Variants in NPRL3 observed in about 807,000 individuals in gnomAD.
NPRL3 encodes the protein GATOR1 complex protein NPRL3.
Under a neutral mutation model 57.2 loss-of-function variants are expected in NPRL3, and 23 were observed. The observed-to-expected ratio is 0.40, with a 90% CI of 0.29 to 0.57. NPRL3 has a LOEUF of 0.57. Among genes scored for constraint, NPRL3 ranks in the 20% least tolerant of loss-of-function variants. The pLI is 0.42. For synonymous variants in NPRL3, 333 were observed against 321.1 expected (o/e 1.04, Z -0.39); for missense variants, 691 against 767.1 (o/e 0.90, Z 1.17).
chr16:138,157 G>C lies in NPRL3; in HGVS notation c.111C>G (p.Ser37=). 1 of 1,601,554 alleles carries C rather than the reference G, an allele frequency of 6.2e-7. No homozygotes were observed. The highest frequency in any genetic ancestry group is 8.5e-7 in the Non-Finnish European group (1 of 1,174,662). The change falls in exon 2 of 14, where the codon TCC becomes TCG. Residue 37 remains serine, a synonymous_variant. Transcript: ENST00000611875. The part of the protein sequence containing the change: ...PFQRSQEHPA[S]QTSKPRSRYA... The stretch of plus-strand genomic sequence containing the variant: ...CGCCCAGCGCTCACTTACTTGTCTG[G>C]GACGCCGGGTGCTCCTGGCTTCTCT...
At chr16:112,862 A>G in intron 5 of NPRL3, 87 bp from the exon 6 acceptor site, 2 of 1,289,922 alleles carry the variant, frequency 1.6e-6, no homozygotes, top group Non-Finnish European at 2.1e-6. Flanking sequence ...ACAGGTACAC[A>G]GCAAAAACTC....
intron 11 of NPRL3, among the ~76,000 whole-genome samples, chr16:92,317 C>T (rs1014788002): frequency 2.6e-5 from 4 of 152,200 alleles, no homozygotes; most frequent in South Asian, 2.1e-4. Context: ...CTGCTTAACT[C>T]GGTTCTAACA....
intron 7 of NPRL3, 89 bp downstream of exon 7, chr16:110,436 C>T (rs1401325318): frequency 5.8e-5 from 58 of 1,008,026 alleles, no homozygotes; most frequent in Non-Finnish European, 7.9e-5. Flanking sequence ...TGGTCAGTAC[C>T]GGGGAGCCCT....
rs1295202027 is a variant in NPRL3 at position 89,816 on chromosome 16, G to A, written c.1248C>T (p.Pro416=). 6.3e-7 allele frequency: 1 copy of A among 1,592,498 alleles called. No homozygotes were observed. The highest frequency in any genetic ancestry group is 8.5e-7 in the Non-Finnish European group (1 of 1,170,954). ...LHTYVCLMAS[P]SEEEPRPRED... ...CTCGCGGACGGGGCTCCTCCTCGCT[G>A]GGTGAGGCCATCAGGCAGACATAGG... Residue 416 remains proline (P), a synonymous_variant, in exon 12 of 14, where the codon CCC becomes CCT. Coordinates refer to ENST00000611875, the MANE Select transcript of NPRL3 (RefSeq NM_001077350.3).
chr16:137,762 A>T (rs1349606144), intron 2 of NPRL3, among the ~76,000 whole-genome samples: 2 of 151,822 alleles, frequency 1.3e-5, no homozygotes, highest in African/African-American at 4.8e-5. Context: ...CAGAGTTTCA[A>T]CCATGTTGGC....
At chr16:105,794 C>A (rs1419860524) in intron 7 of NPRL3, among the ~76,000 whole-genome samples, 1 of 152,212 alleles carries the variant, frequency 6.6e-6, no homozygotes. Context: ...AGAGACATCC[C>A]TGCCCTCCTG....
rs142730254 is a variant in NPRL3 at position 116,598 on chromosome 16, G to A, written c.393+703C>T. Among the ~76,000 whole-genome samples the A allele has an allele frequency of 4.3e-3, 659 of 152,234 alleles. 7 individuals are homozygous for A. The highest frequency in any genetic ancestry group is 0.015 in the African/African-American group (608 of 41,526). On this transcript the variant is annotated intron_variant, in intron 5 of 13. Transcript: ENST00000611875. ...GCACTTTGGGTGGCCAAGGAGGGAAGACCATTTGAGACCAGGAGTTCAAGA... is the reference window on the plus strand; with the variant it reads ...GCACTTTGGGTGGCCAAGGAGGGAAAACCATTTGAGACCAGGAGTTCAAGA...
At chr16:116,944 C>T (rs1288309114) in intron 5 of NPRL3, among the ~76,000 whole-genome samples, 1 of 150,618 alleles carries the variant, frequency 6.6e-6, no homozygotes, top group Non-Finnish European at 1.5e-5. Flanking sequence ...TACTACACTC[C>T]AGCCTGGGTG....
rs1399811473 is a variant in NPRL3, at chr16:127,731, T to C, written c.188+2791A>G. 2.6e-5 allele frequency among the ~76,000 whole-genome samples: 4 copies of C among 151,334 alleles called. No homozygotes were observed. In the East Asian group the frequency reaches 7.8e-4, roughly 30 times the overall value. On this transcript the variant is annotated intron_variant, in intron 3 of 13. Coordinates refer to ENST00000611875, the MANE Select transcript of NPRL3 (RefSeq NM_001077350.3). ...GTGCAGTGGCACAATCTTGGCTCAC[T>C]GCAAGCTCCGCCTCCCGGGTTCACG...
intron 5 of NPRL3, among the ~76,000 whole-genome samples, chr16:115,797 T>C (rs1349946628): frequency 2.0e-5 from 3 of 152,380 alleles, no homozygotes; most frequent in African/African-American, 7.2e-5. Flanking sequence ...CGGTTGCTTT[T>C]ACCTGTCCGT....
At position 86,713 on chromosome 16, in the gene NPRL3, G is replaced by A. The variant is rs776279336; in HGVS notation, c.1702C>T (p.Leu568Phe). ...DPVIAVFQAL[L>F]P ...CCGCCCTCCGCCTGGGCTCAGGGGA[G>A]CAGAGCCTGGAAGACGGCAATGACA... Residue 568 changes from leucine (L) to phenylalanine (F), a missense_variant, in exon 14 of 14, where the codon CTC becomes TTC. Coordinates refer to ENST00000611875, the MANE Select transcript of NPRL3 (RefSeq NM_001077350.3). The A allele has an allele frequency of 1.9e-6, 3 of 1,555,508 alleles. No homozygotes were observed. Among genetic ancestry groups the A allele is most frequent in the Non-Finnish European group, 2.6e-6 (3 of 1,150,326 alleles).
chr16:85,636 T>TA lies in NPRL3; in HGVS notation c.*1068_*1069insT. 6.3e-7 allele frequency: 1 copy of TA among 1,594,698 alleles called. No individual in the cohort carries two copies. The highest frequency in any genetic ancestry group is 8.6e-7 in the Non-Finnish European group (1 of 1,166,288). ...TGGAGCGTGGTCCCCTGGAGCCCAGTGAGCCGGCTGTAGTGGCAGCAGCCC... is the reference window on the plus strand; with the variant it reads ...TGGAGCGTGGTCCCCTGGAGCCCAGTAGAGCCGGCTGTAGTGGCAGCAGCCC... On this transcript the variant is annotated 3_prime_UTR_variant, in exon 14 of 14. Coordinates refer to ENST00000611875, the MANE Select transcript of NPRL3 (RefSeq NM_001077350.3).
At chr16:93,771 G>A (rs1314062911) in intron 9 of NPRL3, among the ~76,000 whole-genome samples, 11 of 152,098 alleles carry the variant, frequency 7.2e-5, no homozygotes, top group South Asian at 2.1e-4. Flanking sequence ...TCACCATGTT[G>A]GCCAGGATGG....
intron 9 of NPRL3, among the ~76,000 whole-genome samples, chr16:95,761 G>C (rs775136410): frequency 6.6e-6 from 1 of 152,046 alleles, no homozygotes; most frequent in Non-Finnish European, 1.5e-5. Flanking sequence ...GTAAAGACAG[G>C]GTCTTCCTAT....
intron 8 of NPRL3, among the ~76,000 whole-genome samples, chr16:99,166 C>T (rs1899157852): frequency 1.3e-5 from 2 of 152,170 alleles, no homozygotes; most frequent in Admixed American, 6.5e-5. Context: ...ATATGCTTAG[C>T]TAGGATTGAA....
chr16:136,518 T>C (rs1901086735), intron 2 of NPRL3, among the ~76,000 whole-genome samples: 1 of 146,078 alleles, frequency 6.8e-6, no homozygotes, highest in African/African-American at 2.5e-5. Context: ...TGAAACCCCA[T>C]CTCTACTAAA....
intron 8 of NPRL3, among the ~76,000 whole-genome samples, chr16:99,460 T>C (rs963656985): frequency 7.2e-5 from 11 of 151,880 alleles, no homozygotes; most frequent in Admixed American, 2.0e-4. Context: ...CTGGCCAACA[T>C]GGTGAAACCC....
chr16:106,516 C>G (rs913317523), intron 7 of NPRL3, among the ~76,000 whole-genome samples: 4 of 151,420 alleles, frequency 2.6e-5, no homozygotes, highest in African/African-American at 9.7e-5. Flanking sequence ...TGCCTATAGT[C>G]CCAGCTACTC....
chr16:129,175 G>A (rs899257352), intron 3 of NPRL3, among the ~76,000 whole-genome samples: 2 of 151,280 alleles, frequency 1.3e-5, no homozygotes, highest in Admixed American at 1.3e-4. Context: ...GTCTTCAGCA[G>A]CCTGGGCCTC....
Sources: allele counts gnomAD v4.1 joint callset (sites outside exome capture counted in the v4.1 genomes callset), GRCh38; gene constraint gnomAD v4.1.1; transcripts MANE v1.5; gene names NCBI Gene and HGNC (gene_info 2026-07-23, HGNC 2026-07-21).